The following R3HDM2 variants were observed in gnomAD, a reference collection of about 807,000 sequenced individuals.
The protein encoded by R3HDM2 is R3H domain-containing protein 2.
R3HDM2 carries 38 observed loss-of-function variants against 124.5 expected under a neutral mutation model. That is an observed-to-expected ratio of 0.31 (90% CI 0.24 to 0.40). The LOEUF is 0.40. Among genes scored for constraint, R3HDM2 ranks in the 10% least tolerant of loss-of-function variants. R3HDM2 has a pLI of 1.00. For synonymous variants in R3HDM2, 391 were observed against 448.0 expected, an observed-to-expected ratio of 0.87 and a Z score of 1.61; for missense variants, 869 against 1,236.9, an observed-to-expected ratio of 0.70 and a Z score of 4.46.
At chr12:57,319,152 G>A (rs543147898) in intron 2 of R3HDM2, among the ~76,000 whole-genome samples, 2 of 152,036 alleles carry the variant, frequency 1.3e-5, no homozygotes, top group Admixed American at 6.6e-5. Flanking sequence ...GAGTGCAAGC[G>A]GCATGATCTC....
intron 2 of R3HDM2, among the ~76,000 whole-genome samples, chr12:57,365,091 C>T (rs1204580757): frequency 1.3e-5 from 2 of 151,516 alleles, no homozygotes; most frequent in African/African-American, 2.4e-5. Context: ...GGTAAAACCC[C>T]GTCTCTAGTA....
In R3HDM2 at chr12:57,395,812, C is replaced by G. The variant is rs1209994423; in HGVS notation, c.-99G>C. 1.0e-6 allele frequency: 1 copy of G among 984,274 alleles called. No individual in the cohort carries two copies. The highest frequency in any genetic ancestry group is 1.2e-6 in the Non-Finnish European group (1 of 829,330). The allele number at this position is 984,274 out of a possible 1,614,324, so 61.0% of individuals were successfully genotyped here. Reference sequence around the variant, plus strand: ...ATGGCATCACATATAAGAAACAAGTCTAACCTCTGGGGGAGGAGGGGGAAA... The same window carrying G: ...ATGGCATCACATATAAGAAACAAGTGTAACCTCTGGGGGAGGAGGGGGAAA... On this transcript the variant is annotated 5_prime_UTR_variant, in exon 2 of 24. Coordinates refer to ENST00000402412, the MANE Select transcript of R3HDM2 (RefSeq NM_001394031.1).
intron 14 of R3HDM2, among the ~76,000 whole-genome samples, chr12:57,276,437 T>C (rs1031054709): frequency 6.6e-6 from 1 of 152,222 alleles, no homozygotes; most frequent in Non-Finnish European, 1.5e-5. Flanking sequence ...TGGAATACTA[T>C]GCAGCCATAA....
intron 1 of R3HDM2, among the ~76,000 whole-genome samples, chr12:57,414,297 C>T (rs959930593): frequency 6.7e-5 from 10 of 149,600 alleles, no homozygotes; most frequent in Non-Finnish European, 1.0e-4. Flanking sequence ...ACCAGCCTGG[C>T]CAACATGGTG....
chr12:57,266,535 C>T (rs891143293), intron 19 of R3HDM2, among the ~76,000 whole-genome samples, 196 bp downstream of exon 19: 1 of 152,222 alleles, frequency 6.6e-6, no homozygotes, highest in Non-Finnish European at 1.5e-5. Flanking sequence ...TGCCTGGCCC[C>T]AGTGTCATCT....
At chr12:57,398,427 A>T (rs1167683292) in intron 1 of R3HDM2, among the ~76,000 whole-genome samples, 3 of 151,654 alleles carry the variant, frequency 2.0e-5, no homozygotes, top group Admixed American at 2.0e-4. Flanking sequence ...AACTGTCAAA[A>T]CCTTGTTCTT....
chr12:57,306,013 G>T (rs2052499552), intron 3 of R3HDM2, among the ~76,000 whole-genome samples: 1 of 152,226 alleles, frequency 6.6e-6, no homozygotes, highest in Non-Finnish European at 1.5e-5. Context: ...AGTTTTGAAG[G>T]ATAAATAGGC....
At chr12:57,361,323 C>T (rs1326628677) in intron 2 of R3HDM2, among the ~76,000 whole-genome samples, 2 of 136,330 alleles carry the variant, frequency 1.5e-5, no homozygotes, top group Admixed American at 8.4e-5. Flanking sequence ...TGCAGTGAGT[C>T]GAGATCGCGC....
At chr12:57,325,711 AT>A (rs35553480) in intron 2 of R3HDM2, among the ~76,000 whole-genome samples, 74,967 of 141,936 alleles carry the variant, frequency 0.53, 19,428 homozygotes, top group Middle Eastern at 0.82. Context: ...TCCTTAGCTA[AT>A]TTTTTTTTTT....
chr12:57,395,229 G>A (rs1254636009), intron 2 of R3HDM2, among the ~76,000 whole-genome samples: 1 of 151,772 alleles, frequency 6.6e-6, no homozygotes, highest in South Asian at 2.1e-4. Context: ...AATTAGAGCC[G>A]GGCACGGTGG....
intron 2 of R3HDM2, among the ~76,000 whole-genome samples, chr12:57,310,753 C>T (rs755442507): frequency 7.2e-5 from 11 of 152,138 alleles, no homozygotes; most frequent in Admixed American, 1.3e-4. Context: ...TTCACCATGC[C>T]CCAAAGGTTC....
rs371288106 is a variant in R3HDM2, at chr12:57,269,470, T to C, written c.1588-21A>G. 5 of 1,611,644 alleles carry C rather than the reference T, an allele frequency of 3.1e-6. No individual in the cohort carries two copies. In the African/African-American group the frequency reaches 4.0e-5, roughly 13 times the overall value. On this transcript the variant is annotated intron_variant, in intron 15 of 23. Coordinates refer to ENST00000402412, the MANE Select transcript of R3HDM2 (RefSeq NM_001394031.1). The stretch of plus-strand genomic sequence containing the variant: ...TGGATCTATGGTGAGAGGAGACAGA[T>C]GTGTGAGAAGTCCCTAAAATTCAGC...
intron 19 of R3HDM2, 78 bp downstream of exon 19, chr12:57,266,653 C>T: frequency 8.3e-7 from 1 of 1,202,410 alleles, no homozygotes; most frequent in Middle Eastern, 1.9e-4. Flanking sequence ...TTTTGCCCTT[C>T]CCAGCTCTAG....
Position 57,310,327 on chromosome 12 carries a change from C to A in R3HDM2, c.102G>T (p.Lys34Asn), listed in dbSNP as rs1019994406. 3 of 1,548,916 alleles carry A rather than the reference C, an allele frequency of 1.9e-6. No homozygotes were observed. The highest frequency in any genetic ancestry group is 2.6e-6 in the Non-Finnish European group (3 of 1,146,096). Residue 34 changes from lysine to asparagine, a missense_variant, in exon 3 of 24, where the codon AAG (lysine) becomes AAT (asparagine). By Grantham distance (94) the Lys-to-Asn change is moderately conservative. Transcript: ENST00000402412. ...TCTCAATTTCTTCCTTACTTGGAGT[C>A]TTAGATATAAACTTGTTTTTGTTTA... Reference protein sequence around the residue: ...ESVNKNKFISKTPSKEEIEKE... With the variant: ...ESVNKNKFISNTPSKEEIEKE...
At chr12:57,405,958 A>C (rs925748861) in intron 1 of R3HDM2, among the ~76,000 whole-genome samples, 1 of 152,150 alleles carries the variant, frequency 6.6e-6, no homozygotes. Context: ...ATCACATCCA[A>C]AGGACATAGG....
At chr12:57,369,344 A>C (rs1475089319) in intron 2 of R3HDM2, among the ~76,000 whole-genome samples, 2 of 152,208 alleles carry the variant, frequency 1.3e-5, no homozygotes, top group Non-Finnish European at 2.9e-5. Flanking sequence ...AAAGTCACCT[A>C]AAAGACTTTC....
At chr12:57,369,848 G>A (rs941129119) in intron 2 of R3HDM2, among the ~76,000 whole-genome samples, 3 of 152,066 alleles carry the variant, frequency 2.0e-5, no homozygotes, top group African/African-American at 7.2e-5. Context: ...AGTAATAAAA[G>A]AAAAAGAAGT....
chr12:57,313,353 A>G (rs1435247539), intron 2 of R3HDM2, among the ~76,000 whole-genome samples: 1 of 152,128 alleles, frequency 6.6e-6, no homozygotes, highest in Non-Finnish European at 1.5e-5. Flanking sequence ...TGAGCCCAGG[A>G]GTTCTAGACT....
At chr12:57,328,205 G>C (rs976178765) in intron 2 of R3HDM2, among the ~76,000 whole-genome samples, 2 of 152,016 alleles carry the variant, frequency 1.3e-5, no homozygotes, top group African/African-American at 4.8e-5. Flanking sequence ...CCAAGGAGCT[G>C]GGACTACAGG....
Sources: gnomAD v4.1 joint callset for allele counts (sites outside exome capture counted in the v4.1 genomes callset) on GRCh38, gnomAD v4.1.1 for gene constraint, MANE v1.5 for transcripts, NCBI Gene and HGNC (gene_info 2026-07-23, HGNC 2026-07-21) for gene names.